Variants in TJP2 observed in about 807,000 individuals in gnomAD.
The protein encoded by TJP2 is Friedreich ataxia region gene X104 (tight junction protein ZO-2).
Under a neutral mutation model 133.1 loss-of-function variants are expected in TJP2, and 91 were observed. That is an observed-to-expected ratio of 0.68 (90% CI 0.58 to 0.81). The LOEUF (loss-of-function observed/expected upper bound fraction) is 0.81, where lower values mean the gene tolerates loss of function less well. Among genes scored for constraint, TJP2 ranks in the 40% least tolerant of loss-of-function variants. TJP2 has a pLI of 0.00. For synonymous variants in TJP2, 592 were observed against 583.4 expected, an observed-to-expected ratio of 1.01 and a Z score of -0.21; for missense variants, 1,541 against 1,565.6, an observed-to-expected ratio of 0.98 and a Z score of 0.26.
rs142594648 is a variant in TJP2, at chr9:69,231,882, G to A, written c.1671+1650G>A. Among the ~76,000 whole-genome samples the A allele has an allele frequency of 7.0e-4, 107 of 152,320 alleles. 1 individual carries two copies. The highest frequency in any genetic ancestry group is 2.6e-3 in the African/African-American group (107 of 41,572). On this transcript the variant is annotated intron_variant, in intron 11 of 22. Transcript: ENST00000377245. Reference sequence around the variant, plus strand: ...GCATATATGCTGATGAAGGAAAAAGGCATTTTTTCTAACTATTGTGAGGCC... The same window carrying A: ...GCATATATGCTGATGAAGGAAAAAGACATTTTTTCTAACTATTGTGAGGCC...
chr9:69,180,062 T>C (rs1825383968), intron 1 of TJP2, among the ~76,000 whole-genome samples: 1 of 152,230 alleles, frequency 6.6e-6, no homozygotes, highest in Non-Finnish European at 1.5e-5. Context: ...GAAAACATGG[T>C]ATCATCTTTG....
At chr9:69,210,329 C>T (rs1827798908) in intron 1 of TJP2, among the ~76,000 whole-genome samples, 1 of 120,240 alleles carries the variant, frequency 8.3e-6, no homozygotes, top group African/African-American at 3.1e-5. Flanking sequence ...GCAGTCAGTG[C>T]TTCAGTTATA....
rs562986825 is a variant in TJP2 at position 69,146,845 on chromosome 9, T to C, written c.-130-4806T>C. Reference sequence around the variant, plus strand: ...GACAGCCCCCTGCAACAACGAATTATCCAGCCCACAGTGTCAACGGTGCCA... The same window carrying C: ...GACAGCCCCCTGCAACAACGAATTACCCAGCCCACAGTGTCAACGGTGCCA... On this transcript the variant is annotated intron_variant, in intron 1 of 5. Coordinates refer to the TJP2 transcript ENST00000423935. Among the ~76,000 whole-genome samples, 133 of 152,294 alleles carry C rather than the reference T, an allele frequency of 8.7e-4. 2 individuals carry two copies. The highest frequency in any genetic ancestry group is 3.1e-3 in the African/African-American group (127 of 41,566).
intron 11 of TJP2, among the ~76,000 whole-genome samples, chr9:69,230,851 T>C (rs1829719705): frequency 1.3e-5 from 2 of 152,232 alleles, no homozygotes; most frequent in South Asian, 4.1e-4. Context: ...TTTTTCTTAT[T>C]GGAAGATAAC....
intron 19 of TJP2, chr9:69,248,600 C>G (rs1389715076): frequency 1.8e-5 from 21 of 1,157,176 alleles, no homozygotes; most frequent in Non-Finnish European, 2.2e-5. Flanking sequence ...GATGTCCTTG[C>G]TTTTCTTCCC....
rs191640537 is a variant in TJP2 at position 69,226,344 on chromosome 9, G to T, written c.1210+169G>T. Among the ~76,000 whole-genome samples the T allele has an allele frequency of 5.2e-3, 793 of 152,280 alleles. 4 individuals are homozygous for T. The highest frequency in any genetic ancestry group is 8.0e-3 in the Admixed American group (123 of 15,292). On this transcript the variant is annotated intron_variant, in intron 7 of 22. Transcript: ENST00000377245. ...TTGGTTGTTATTTGCTTATTAAAGT[G>T]CCTATTGAAATTAGGTTTCCAATAC...
At chr9:69,213,292 A>G (rs1489858720) in intron 2 of TJP2, among the ~76,000 whole-genome samples, 1 of 151,352 alleles carries the variant, frequency 6.6e-6, no homozygotes, top group African/African-American at 2.4e-5. Flanking sequence ...CGAACTCCTG[A>G]CCTCAGGTGA....
intron 19 of TJP2, 82 bp from the exon 20 acceptor site, chr9:69,249,293 G>A (rs769928645): frequency 1.6e-5 from 25 of 1,546,510 alleles, no homozygotes; most frequent in Admixed American, 2.0e-5. Context: ...ACTCAAGTTT[G>A]CAGAACTCCT....
intron 2 of TJP2, among the ~76,000 whole-genome samples, chr9:69,164,658 G>A (rs1451555749): frequency 6.6e-6 from 1 of 152,054 alleles, no homozygotes; most frequent in Non-Finnish European, 1.5e-5. Flanking sequence ...TAGTTGCTGC[G>A]AGAGCAAAAA....
At chr9:69,248,535 G>A in intron 19 of TJP2, 2 of 1,286,942 alleles carry the variant, frequency 1.6e-6, no homozygotes, top group Non-Finnish European at 2.0e-6. Flanking sequence ...TCCTTCCCAT[G>A]CAGTATTGTT....
upstream of TJP2, chr9:69,174,149 G>C (rs947691415): frequency 1.0e-5 from 13 of 1,261,356 alleles, no homozygotes; most frequent in African/African-American, 1.6e-5. Context: ...ACAGTTTCCC[G>C]GGCCGGGCGG....
rs10867196 is a variant in TJP2 at position 69,239,811 on chromosome 9, C to G, written c.2356-126C>G. 247,428 of 920,374 alleles carry G rather than the reference C, an allele frequency of 0.27. 35,547 individuals are homozygous for G. The highest frequency in any genetic ancestry group is 0.49 in the Admixed American group (23,461 of 48,126). The allele number at this position is 920,374 out of a possible 1,614,324, so 57.0% of individuals were successfully genotyped here. A position where few individuals can be genotyped will look rare whatever the true frequency, so the allele number is the denominator to read the frequency against. ...CCTGGGCAACAGAGCAAGAATCTAT[C>G]CCAAATAAGTAAACAAACAAACAAA... On this transcript the variant is annotated intron_variant, in intron 16 of 22. Coordinates refer to ENST00000377245, the MANE Select transcript of TJP2 (RefSeq NM_004817.4).
intron 22 of TJP2, 78 bp from the exon 23 acceptor site, chr9:69,254,131 G>GCTCA: frequency 6.5e-7 from 1 of 1,529,032 alleles, no homozygotes; most frequent in East Asian, 2.3e-5. Flanking sequence ...CAGTCACTGT[G>GCTCA]CTCAGAGCCA....
rs75450131 is a variant in TJP2, at chr9:69,246,759, A to G, written c.2636A>G (p.Gln879Arg). 4.6e-4 allele frequency: 737 copies of G among 1,614,170 alleles called. 2 individuals are homozygous for G. The African/African-American group carries it at 8.4e-3, about 18-fold the overall frequency. The change falls in exon 18 of 23, where the codon CAA becomes CGA. Residue 879 changes from glutamine (Q) to arginine (R), a missense_variant. Coordinates refer to ENST00000377245, the MANE Select transcript of TJP2 (RefSeq NM_004817.4). ...GSLKDTIQHQ[Q>R]GEAVWVSEGK... is the part of the protein sequence containing the mutation. ...TTAAAGGACACTATTCAGCATCAGC[A>G]AGGAGAAGCGGTTTGGGTCTCTGAA... is the stretch of plus-strand genomic sequence containing the variant.
intron 11 of TJP2, among the ~76,000 whole-genome samples, chr9:69,232,277 G>A (rs762602584): frequency 6.6e-6 from 1 of 152,210 alleles, no homozygotes; most frequent in East Asian, 1.9e-4. Flanking sequence ...GAAGCTTTCC[G>A]TTCTAGAAAG....
At chr9:69,168,748 C>T (rs1183497436) in intron 2 of TJP2, among the ~76,000 whole-genome samples, 17 of 149,416 alleles carry the variant, frequency 1.1e-4, no homozygotes, top group Admixed American at 2.0e-4. Flanking sequence ...TGAGCTAAGA[C>T]GGCGCCATTG....
At chr9:69,229,842 C>T (rs907502200) in intron 10 of TJP2, among the ~76,000 whole-genome samples, 1 of 152,146 alleles carries the variant, frequency 6.6e-6, no homozygotes, top group Non-Finnish European at 1.5e-5. Context: ...GAAAGAGTTG[C>T]TGTAAAGATT....
At chr9:69,212,753 G>A (rs1478597838) in intron 2 of TJP2, 152 bp downstream of exon 2, 11 of 664,242 alleles carry the variant, frequency 1.7e-5, no homozygotes, top group Non-Finnish European at 2.7e-5. Flanking sequence ...TAATTGCTAT[G>A]TTAACAAAGA....
chr9:69,229,449 T>C (rs1403766312), intron 10 of TJP2, among the ~76,000 whole-genome samples, 199 bp downstream of exon 10: 1 of 152,112 alleles, frequency 6.6e-6, no homozygotes, highest in East Asian at 1.9e-4. Context: ...TGGGTGAACT[T>C]TGTGATGTTA....
Sources: gnomAD v4.1 joint callset for allele counts (sites outside exome capture counted in the v4.1 genomes callset) on GRCh38, gnomAD v4.1.1 for gene constraint, MANE v1.5 for transcripts, NCBI Gene and HGNC (gene_info 2026-07-23, HGNC 2026-07-21) for gene names.